Variants in F13A1 observed in about 807,000 individuals in gnomAD.
The protein encoded by F13A1 is FSF, A subunit.
F13A1 carries 47 observed loss-of-function variants against 80.1 expected under a neutral mutation model. The ratio of observed to expected loss-of-function variants is 0.59; its 90% confidence interval spans 0.46 to 0.75. The LOEUF (loss-of-function observed/expected upper bound fraction) is 0.75, where lower values mean the gene tolerates loss of function less well. Ranked by LOEUF, F13A1 falls within the 30% of genes least tolerant of loss-of-function variation. The probability of loss-of-function intolerance (pLI) is 0.00; values close to 1 mark genes in which losing one functional copy is unlikely to be tolerated. For synonymous variants in F13A1, 349 were observed against 344.9 expected, an observed-to-expected ratio of 1.01 and a Z score of -0.13; for missense variants, 817 against 930.4, an observed-to-expected ratio of 0.88 and a Z score of 1.59.
At chr6:6,292,261 C>T (rs3024353) in intron 3 of F13A1, among the ~76,000 whole-genome samples, 1,849 of 152,240 alleles carry the variant, frequency 0.012, 43 homozygotes, top group African/African-American at 0.042. Flanking sequence ...TCGATTTTTT[C>T]CCTCTGGAAT....
In F13A1 at chr6:6,168,909, C is replaced by G. The variant is rs1338375238; in HGVS notation, c.1748-1291G>C. Reference sequence around the variant, plus strand: ...CACACCTGCGATGGATCTGCAGCAGCTTGCTCTGGACCTTGAAGACCAAGA... The same window carrying G: ...CACACCTGCGATGGATCTGCAGCAGGTTGCTCTGGACCTTGAAGACCAAGA... On this transcript the variant is annotated intron_variant, in intron 12 of 14. Transcript: ENST00000264870. Among the ~76,000 whole-genome samples the G allele has an allele frequency of 3.9e-5, 6 of 152,212 alleles. No individual in the cohort carries two copies. In the East Asian group the frequency reaches 1.2e-3, roughly 29 times the overall value.
chr6:6,258,213 A>C (rs990608102), intron 4 of F13A1, among the ~76,000 whole-genome samples: 19 of 151,926 alleles, frequency 1.3e-4, no homozygotes, highest in African/African-American at 4.4e-4. Context: ...TTGTTTCTTA[A>C]TTTTCTATAG....
Position 6,250,949 on chromosome 6 carries a change from T to C in F13A1, c.572-20A>G, listed in dbSNP as rs1249731617. On this transcript the variant is annotated intron_variant, in intron 4 of 14. Coordinates refer to ENST00000264870, the MANE Select transcript of F13A1 (RefSeq NM_000129.4). The surrounding 1 kb of genome is among the most constrained non-coding windows in gnomAD (Gnocchi z 4.2). ...CATCATCTGCATCAGGGTTTAAACA[T>C]AGTGACTATTACCAAACCAGACTGT... 1.3e-6 allele frequency: 2 copies of C among 1,482,998 alleles called. No individual in the cohort carries two copies. The highest frequency in any genetic ancestry group is 1.9e-6 in the Non-Finnish European group (2 of 1,062,158). The allele number at this position is 1,482,998 out of a possible 1,614,324, so 91.9% of individuals were successfully genotyped here. A position where few individuals can be genotyped will look rare whatever the true frequency, so the allele number is the denominator to read the frequency against.
At position 6,210,997 on chromosome 6, in the gene F13A1, C is replaced by T. The variant is rs558698589; in HGVS notation, c.1112+11036G>A. On this transcript the variant is annotated intron_variant, in intron 8 of 14. Coordinates refer to ENST00000264870, the MANE Select transcript of F13A1 (RefSeq NM_000129.4). ...CCTCCTGCATCGGCCTCCCAAAGTG[C>T]TGGGATTATAGGTGTGAGCCACCAC... Among the ~76,000 whole-genome samples, 35 of 152,298 alleles carry T rather than the reference C, an allele frequency of 2.3e-4. 1 individual carries two copies. The highest frequency in any genetic ancestry group is 8.4e-4 in the African/African-American group (35 of 41,560).
At chr6:6,261,282 T>A (rs1757777250) in intron 4 of F13A1, among the ~76,000 whole-genome samples, 1 of 152,196 alleles carries the variant, frequency 6.6e-6, no homozygotes, top group African/African-American at 2.4e-5. Context: ...TCTTGAGTTT[T>A]AAAGTTATTG....
At chr6:6,221,200 A>T (rs1194566431) in intron 8 of F13A1, among the ~76,000 whole-genome samples, 1 of 152,146 alleles carries the variant, frequency 6.6e-6, no homozygotes, top group Admixed American at 6.5e-5. Flanking sequence ...TTAAACTCTT[A>T]GGATTTTTTT....
chr6:6,210,348 T>TATATATATATATATATATATCTATA (rs1420900272), intron 8 of F13A1, among the ~76,000 whole-genome samples: 1 of 134,730 alleles, frequency 7.4e-6, no homozygotes, highest in Non-Finnish European at 1.6e-5. Flanking sequence ...TATATATATA[T>TATATATATATATATATATATCTATA]TTCTTTTTTT....
At chr6:6,268,290 A>G (rs1324934386) in intron 3 of F13A1, among the ~76,000 whole-genome samples, 2 of 152,208 alleles carry the variant, frequency 1.3e-5, no homozygotes, top group Non-Finnish European at 2.9e-5. Flanking sequence ...TTACCCCTTT[A>G]TTCCCTATAA....
chr6:6,185,152 T>C (rs1302290029), intron 10 of F13A1, among the ~76,000 whole-genome samples: 3 of 151,940 alleles, frequency 2.0e-5, no homozygotes, highest in African/African-American at 7.3e-5. Context: ...TATTATACTT[T>C]AAGTTCTAGG....
chr6:6,296,654 A>G (rs926416124), intron 3 of F13A1, among the ~76,000 whole-genome samples: 1 of 148,878 alleles, frequency 6.7e-6, no homozygotes, highest in Non-Finnish European at 1.5e-5. Context: ...GGGCTGAGAC[A>G]ATGGGGTTTT....
chr6:6,297,270 T>G (rs1207118346), intron 3 of F13A1, among the ~76,000 whole-genome samples: 1 of 152,124 alleles, frequency 6.6e-6, no homozygotes, highest in Non-Finnish European at 1.5e-5. Flanking sequence ...ATGAAATGAC[T>G]TAGGGAGGAT....
At chr6:6,312,741 AT>A (rs76270807) in intron 2 of F13A1, among the ~76,000 whole-genome samples, 109,723 of 150,706 alleles carry the variant, frequency 0.73, 40,315 homozygotes, top group East Asian at 0.85. Flanking sequence ...TTCATAAAAA[AT>A]AAAATAAAAC....
rs1757383462 is a variant in F13A1, at chr6:6,233,897, A to G, written c.799-9037T>C. Among the ~76,000 whole-genome samples, 7 of 151,986 alleles carry G rather than the reference A, an allele frequency of 4.6e-5. No homozygotes were observed. The South Asian group carries it at 1.5e-3, about 32-fold the overall frequency. Reference sequence around the variant, plus strand: ...GAAAAAGCATTCAACAAAATCCAACATTGCTTTATCATTAAAACTCTCAGC... The same window carrying G: ...GAAAAAGCATTCAACAAAATCCAACGTTGCTTTATCATTAAAACTCTCAGC... On this transcript the variant is annotated intron_variant, in intron 6 of 14. Coordinates refer to ENST00000264870, the MANE Select transcript of F13A1 (RefSeq NM_000129.4).
intron 12 of F13A1, among the ~76,000 whole-genome samples, chr6:6,170,891 C>T (rs1760760656): frequency 6.6e-6 from 1 of 152,140 alleles, no homozygotes; most frequent in African/African-American, 2.4e-5. Flanking sequence ...GTTAATACCA[C>T]CTGCCTGCAG....
intron 10 of F13A1, among the ~76,000 whole-genome samples, chr6:6,188,826 T>G (rs1761125994): frequency 1.4e-5 from 1 of 69,820 alleles, no homozygotes; most frequent in Non-Finnish European, 2.5e-5. Context: ...AGTGGGGTGT[T>G]AAAGTCTCCC....
chr6:6,299,988 G>T lies in F13A1; in HGVS notation c.319+5363C>A, dbSNP rs570936537. ...TAACAGACAGGACACTCAGCTGCAG[G>T]TCTGTTGGAGTACCCTGCCGTGTGA... On this transcript the variant is annotated intron_variant, in intron 3 of 14. Coordinates refer to ENST00000264870, the MANE Select transcript of F13A1 (RefSeq NM_000129.4). Among the ~76,000 whole-genome samples, 13 of 147,258 alleles carry T rather than the reference G, an allele frequency of 8.8e-5. 2 individuals are homozygous for T. Among genetic ancestry groups the T allele is most frequent in the African/African-American group, 2.7e-4 (10 of 36,948 alleles).
chr6:6,228,908 C>T (rs1757313459), intron 6 of F13A1, among the ~76,000 whole-genome samples: 1 of 152,076 alleles, frequency 6.6e-6, no homozygotes, highest in South Asian at 2.1e-4. Flanking sequence ...CTGAGATATG[C>T]CTCCAGTTGT....
At chr6:6,296,751 C>G (rs1219356032) in intron 3 of F13A1, among the ~76,000 whole-genome samples, 10 of 144,764 alleles carry the variant, frequency 6.9e-5, no homozygotes, top group Admixed American at 4.7e-4. Flanking sequence ...CTTCTCCTGC[C>G]TAATTGCCCT....
intron 13 of F13A1, among the ~76,000 whole-genome samples, chr6:6,155,128 A>G (rs34409726): frequency 0.19 from 29,648 of 152,214 alleles, 3,105 homozygotes; most frequent in Middle Eastern, 0.28. Context: ...CTAGGGGCCC[A>G]TGAACCCTAG....
Sources: gnomAD v4.1 joint callset for allele counts (sites outside exome capture counted in the v4.1 genomes callset) on GRCh38, gnomAD v4.1.1 for gene constraint, Gnocchi (gnomAD v3.1) non-coding constraint, MANE v1.5 for transcripts, NCBI Gene and HGNC (gene_info 2026-07-23, HGNC 2026-07-21) for gene names.